Variants in NDUFA5 observed in about 807,000 individuals in gnomAD.
NDUFA5 encodes the protein NADH dehydrogenase [ubiquinone] 1 alpha subcomplex subunit 5.
A neutral mutation model predicts 19.8 loss-of-function variants in NDUFA5; 11 were observed. The observed-to-expected ratio is 0.56, with a 90% CI of 0.35 to 0.92. The LOEUF is 0.92. Ranked by LOEUF, NDUFA5 falls within the 40% of genes least tolerant of loss-of-function variation. The pLI, the probability that NDUFA5 is intolerant of heterozygous loss-of-function variation, is 0.01. For missense variants in NDUFA5, 109 were observed against 134.2 expected (o/e 0.81, Z 0.93); for synonymous variants, 47 against 46.8 (o/e 1.00, Z -0.01).
intron 2 of NDUFA5, among the ~76,000 whole-genome samples, chr7:123,552,581 C>T (rs1243382101): frequency 7.2e-6 from 1 of 139,416 alleles, no homozygotes; most frequent in South Asian, 2.3e-4. Context: ...CACGTGTATA[C>T]CTATGTAACA....
At chr7:123,556,756 A>G (rs763105978) in intron 2 of NDUFA5, 2 of 451,572 alleles carry the variant, frequency 4.4e-6, no homozygotes, top group Admixed American at 5.7e-5. Flanking sequence ...TATTAGGTCA[A>G]TGAAGGTGAG....
the NDUFA5 span, among the ~76,000 whole-genome samples, chr7:123,594,674 C>A: frequency 1.3e-5 from 2 of 152,146 alleles, no homozygotes; most frequent in Non-Finnish European, 2.9e-5. Flanking sequence ...CAGAGGGTCA[C>A]CTGCCTGTAT....
the NDUFA5 span, among the ~76,000 whole-genome samples, chr7:123,588,137 T>A: frequency 6.6e-6 from 1 of 151,778 alleles, no homozygotes; most frequent in Non-Finnish European, 1.5e-5. Context: ...TTTGAAAAAA[T>A]TCAAAAGTGA....
chr7:123,591,984 A>G, the NDUFA5 span, among the ~76,000 whole-genome samples: 1 of 152,082 alleles, frequency 6.6e-6, no homozygotes, highest in African/African-American at 2.4e-5. Context: ...AGGACCTGTT[A>G]TTGGTCTATT....
the NDUFA5 span, among the ~76,000 whole-genome samples, chr7:123,588,344 T>G: frequency 6.6e-6 from 1 of 151,722 alleles, no homozygotes. Flanking sequence ...TCTTATAATC[T>G]TTTGTATTTC....
At chr7:123,543,792 A>G (rs775142730) in intron 4 of NDUFA5, among the ~76,000 whole-genome samples, 12 of 152,188 alleles carry the variant, frequency 7.9e-5, no homozygotes, top group Non-Finnish European at 1.6e-4. Context: ...GGGCAACAGT[A>G]TAAGGTTTGC....
At chr7:123,546,205 G>A (rs1424737550) in intron 3 of NDUFA5, among the ~76,000 whole-genome samples, 1 of 152,022 alleles carries the variant, frequency 6.6e-6, no homozygotes, top group African/African-American at 2.4e-5. Context: ...ATACTTCACA[G>A]CAATGAAAAT....
the NDUFA5 span, among the ~76,000 whole-genome samples, chr7:123,594,011 C>T: frequency 6.6e-6 from 1 of 152,008 alleles, no homozygotes; most frequent in African/African-American, 2.4e-5. Flanking sequence ...CTTGTCTTCT[C>T]GCTTTATTTC....
chr7:123,601,273 C>A, the NDUFA5 span, among the ~76,000 whole-genome samples: 56 of 152,248 alleles, frequency 3.7e-4, no homozygotes, highest in East Asian at 9.3e-3. Flanking sequence ...ATTTGCTACT[C>A]ATTTTTTTAG....
At chr7:123,588,669 T>C in the NDUFA5 span, among the ~76,000 whole-genome samples, 1 of 151,422 alleles carries the variant, frequency 6.6e-6, no homozygotes, top group Non-Finnish European at 1.5e-5. Context: ...AGTTAGGCTA[T>C]TTATTTGGGA....
chr7:123,543,079 G>T (rs1012324229), intron 4 of NDUFA5, among the ~76,000 whole-genome samples: 2 of 151,942 alleles, frequency 1.3e-5, no homozygotes, highest in African/African-American at 4.8e-5. Context: ...CTATGACAGC[G>T]GTCCCAAAAG....
the NDUFA5 span, among the ~76,000 whole-genome samples, chr7:123,570,257 A>C: frequency 5.8e-4 from 88 of 151,908 alleles, no homozygotes; most frequent in African/African-American, 1.9e-3. Flanking sequence ...AGGATGGTCT[A>C]GATCTCCTGA....
At chr7:123,599,026 G>GT in the NDUFA5 span, 1 of 152,116 alleles carries the variant, frequency 6.6e-6, no homozygotes, top group Non-Finnish European at 1.5e-5. Flanking sequence ...TTTATTTTAT[G>GT]TTTTTATATT....
At chr7:123,572,033 C>T in the NDUFA5 span, among the ~76,000 whole-genome samples, 4 of 151,830 alleles carry the variant, frequency 2.6e-5, no homozygotes, top group Non-Finnish European at 1.5e-5. Flanking sequence ...AGCAATCCTC[C>T]TGCCTTGGTT....
At chr7:123,581,623 A>C in the NDUFA5 span, among the ~76,000 whole-genome samples, 2 of 151,916 alleles carry the variant, frequency 1.3e-5, no homozygotes, top group East Asian at 1.9e-4. Context: ...TCAAATTGTG[A>C]GGAGAATTTG....
At chr7:123,598,128 G>C in the NDUFA5 span, among the ~76,000 whole-genome samples, 1 of 152,072 alleles carries the variant, frequency 6.6e-6, no homozygotes, top group African/African-American at 2.4e-5. Context: ...ATGTGTGTCT[G>C]TATATATAGA....
chr7:123,577,446 A>T, the NDUFA5 span, among the ~76,000 whole-genome samples: 1 of 152,170 alleles, frequency 6.6e-6, no homozygotes. Flanking sequence ...CATTCACTTA[A>T]GATAACTGAA....
the NDUFA5 span, chr7:123,584,945 T>C: frequency 6.6e-6 from 1 of 152,082 alleles, no homozygotes; most frequent in South Asian, 2.1e-4. Flanking sequence ...AAGGGATCTT[T>C]TCTTAGTGCA....
chr7:123,593,629 T>C, the NDUFA5 span, among the ~76,000 whole-genome samples: 1 of 152,160 alleles, frequency 6.6e-6, no homozygotes, highest in African/African-American at 2.4e-5. Context: ...GCTTGTAGGG[T>C]TTCTGCCAAG....
Sources: allele counts gnomAD v4.1 joint callset (sites outside exome capture counted in the v4.1 genomes callset), GRCh38; gene constraint gnomAD v4.1.1; transcripts MANE v1.5; gene names NCBI Gene and HGNC (gene_info 2026-07-23, HGNC 2026-07-21).